Variants in KCNQ5 observed in about 807,000 individuals in gnomAD.
The protein encoded by KCNQ5 is potassium voltage-gated channel subfamily KQT member 5.
In KCNQ5, 30 loss-of-function variants were observed where a neutral mutation model predicts 98.2. That is an observed-to-expected ratio of 0.31 (90% confidence interval 0.23 to 0.41). The LOEUF (loss-of-function observed/expected upper bound fraction) is 0.41. Among genes scored for constraint, KCNQ5 ranks in the 10% least tolerant of loss-of-function variants. The pLI is 1.00. For synonymous variants in KCNQ5, 458 were observed against 449.4 expected (o/e 1.02, Z -0.24); for missense variants, 835 against 1,182.5 (o/e 0.71, Z 4.31).
intron 1 of KCNQ5, among the ~76,000 whole-genome samples, chr6:72,715,406 A>T (rs1235632198): frequency 6.6e-6 from 1 of 152,240 alleles, no homozygotes. Context: ...TTTGGCTGCT[A>T]GGCACAGTTA....
chr6:72,965,307 T>C (rs1241217965), intron 1 of KCNQ5, among the ~76,000 whole-genome samples: 1 of 152,200 alleles, frequency 6.6e-6, no homozygotes, highest in Non-Finnish European at 1.5e-5. Flanking sequence ...AAATAACGTA[T>C]CATTAAATGG....
rs1206041574 is a variant in KCNQ5, at chr6:73,195,429, T to C, written c.*15T>C. ...AACTGAAATAAGTTCTTCATTTTCT[T>C]TCCAGGCATAGCAGTTCTTTAGCCA... On this transcript the variant is annotated 3_prime_UTR_variant, in exon 14 of 14. Coordinates refer to ENST00000370398, the MANE Select transcript of KCNQ5 (RefSeq NM_019842.4). 2 of 1,607,408 alleles carry C rather than the reference T, an allele frequency of 1.2e-6. No homozygotes were observed. The highest frequency in any genetic ancestry group is 3.3e-5 in the Admixed American group (2 of 59,832).
At chr6:72,888,076 A>G (rs1778915361) in intron 1 of KCNQ5, among the ~76,000 whole-genome samples, 1 of 152,186 alleles carries the variant, frequency 6.6e-6, no homozygotes, top group African/African-American at 2.4e-5. Flanking sequence ...ATCAGATGAA[A>G]TAAAGTTTAA....
chr6:73,005,583 C>G (rs969874623), intron 2 of KCNQ5, among the ~76,000 whole-genome samples: 1 of 152,070 alleles, frequency 6.6e-6, no homozygotes, highest in Non-Finnish European at 1.5e-5. Context: ...CCAAAGAAAC[C>G]CATGTAATCA....
At chr6:72,658,860 ATGAGCCACCTCGCC>A (rs1264219373) in intron 1 of KCNQ5, among the ~76,000 whole-genome samples, 23 of 152,114 alleles carry the variant, frequency 1.5e-4, no homozygotes, top group Non-Finnish European at 4.4e-5. Context: ...GATTACAGGC[ATGAGCCACCTCGCC>A]CAGCCTACCC....
intron 10 of KCNQ5, among the ~76,000 whole-genome samples, chr6:73,141,626 T>G (rs1776714730): frequency 6.6e-6 from 1 of 152,192 alleles, no homozygotes; most frequent in Admixed American, 6.5e-5. Flanking sequence ...GAGCTCTGAA[T>G]GGATTTCATC....
intron 3 of KCNQ5, among the ~76,000 whole-genome samples, chr6:73,043,855 C>G (rs1392805291): frequency 6.6e-6 from 1 of 152,208 alleles, no homozygotes; most frequent in African/African-American, 2.4e-5. Flanking sequence ...ACGGATACAT[C>G]AACACATCTT....
At chr6:73,075,998 C>A (rs1317685135) in intron 3 of KCNQ5, among the ~76,000 whole-genome samples, 1 of 152,112 alleles carries the variant, frequency 6.6e-6, no homozygotes, top group Non-Finnish European at 1.5e-5. Flanking sequence ...TGCACTCCAG[C>A]CTGGGTGATA....
At chr6:73,102,364 T>C (rs1300618688) in intron 5 of KCNQ5, among the ~76,000 whole-genome samples, 1 of 151,982 alleles carries the variant, frequency 6.6e-6, no homozygotes, top group African/African-American at 2.4e-5. Context: ...ACAAGCACAG[T>C]CAACCAAGGC....
intron 1 of KCNQ5, among the ~76,000 whole-genome samples, chr6:72,828,660 T>C (rs1048362787): frequency 3.3e-5 from 5 of 152,140 alleles, no homozygotes; most frequent in African/African-American, 1.2e-4. Context: ...TCACGTCACC[T>C]ACAGAGACAA....
At chr6:73,124,936 GAT>G (rs1180218889) in intron 9 of KCNQ5, among the ~76,000 whole-genome samples, 86 of 76,286 alleles carry the variant, frequency 1.1e-3, no homozygotes, top group African/African-American at 2.0e-3. Context: ...CTTTTGGAGT[GAT>G]ATATATATAT....
intron 1 of KCNQ5, among the ~76,000 whole-genome samples, chr6:72,799,403 T>A (rs888108852): frequency 3.9e-5 from 6 of 152,228 alleles, no homozygotes; most frequent in African/African-American, 1.4e-4. Context: ...ATTTGATTAC[T>A]GGGTACTACC....
In KCNQ5 at chr6:72,967,771, T is replaced by G. The variant is rs865962661; in HGVS notation, c.399-36137T>G. 7.1e-5 allele frequency: 11 copies of G among 154,932 alleles called. No individual in the cohort carries two copies. The Middle Eastern group carries it at 5.7e-3, about 81-fold the overall frequency. 9.6% of individuals were successfully genotyped at this position (154,932 alleles called of 1,614,324 possible). ...ACTTCACCATTCACACCTAAGAAGT[T>G]AAAGATGTCTCAGTAGGTTCTCACT... On this transcript the variant is annotated intron_variant, in intron 1 of 13. Coordinates refer to ENST00000370398, the MANE Select transcript of KCNQ5 (RefSeq NM_019842.4).
At chr6:72,745,703 A>G (rs1771361843) in intron 1 of KCNQ5, among the ~76,000 whole-genome samples, 1 of 152,198 alleles carries the variant, frequency 6.6e-6, no homozygotes, top group South Asian at 2.1e-4. Context: ...ATGCCGTATC[A>G]AATTACCACA....
At chr6:72,875,801 G>T (rs1778382959) in intron 1 of KCNQ5, among the ~76,000 whole-genome samples, 1 of 151,912 alleles carries the variant, frequency 6.6e-6, no homozygotes, top group South Asian at 2.1e-4. Flanking sequence ...CATCACTAAT[G>T]TACCTGCTAT....
At chr6:73,140,209 A>G (rs968279272) in intron 10 of KCNQ5, among the ~76,000 whole-genome samples, 1 of 151,622 alleles carries the variant, frequency 6.6e-6, no homozygotes, top group African/African-American at 2.4e-5. Context: ...CTATTTGACT[A>G]ATTTATGCAC....
rs186945343 is a variant in KCNQ5, at chr6:72,813,406, G to A, written c.399-190502G>A. On this transcript the variant is annotated intron_variant, in intron 1 of 13. Coordinates refer to ENST00000370398, the MANE Select transcript of KCNQ5 (RefSeq NM_019842.4). ...CTACTCAGGTATAGTTTATTGCTTC[G>A]TAAGAGGAATTTGAGTTTACAAAGC... 2.1e-3 allele frequency among the ~76,000 whole-genome samples: 312 copies of A among 152,126 alleles called. 1 individual carries two copies. The highest frequency in any genetic ancestry group is 6.8e-3 in the African/African-American group (282 of 41,494).
intron 1 of KCNQ5, among the ~76,000 whole-genome samples, chr6:72,898,895 G>A (rs1779364783): frequency 1.3e-5 from 2 of 152,128 alleles, no homozygotes; most frequent in Admixed American, 6.5e-5. Flanking sequence ...GGTATCTCAT[G>A]TGGTTGTGAT....
chr6:73,190,542 A>G (rs762316168), intron 11 of KCNQ5, 31 bp from the exon 12 acceptor site: 11 of 1,198,660 alleles, frequency 9.2e-6, no homozygotes, highest in Non-Finnish European at 1.3e-5. Context: ...ACAGAGTTAT[A>G]AAGATTAATA....
Sources: gnomAD v4.1 joint callset for allele counts (sites outside exome capture counted in the v4.1 genomes callset) on GRCh38, gnomAD v4.1.1 for gene constraint, MANE v1.5 for transcripts, NCBI Gene and HGNC (gene_info 2026-07-23, HGNC 2026-07-21) for gene names.